KIF6: variants seen among roughly 807,000 people sequenced by gnomAD.
KIF6 encodes kinesin family member 6.
In KIF6, 106 loss-of-function variants were observed where a neutral mutation model predicts 112.7. The observed-to-expected ratio is 0.94, with a 90% CI of 0.80 to 1.11. The LOEUF is 1.11. Ranked by LOEUF, KIF6 falls within the 50% of genes least tolerant of loss-of-function variation. The probability of loss-of-function intolerance (pLI) is 0.00; values close to 1 mark genes in which losing one functional copy is unlikely to be tolerated. For synonymous variants in KIF6, 339 were observed against 339.9 expected, an observed-to-expected ratio of 1.00 and a Z score of 0.03; for missense variants, 929 against 964.0, an observed-to-expected ratio of 0.96 and a Z score of 0.48.
At chr6:39,668,752 G>A (rs1048058529) in intron 3 of KIF6, among the ~76,000 whole-genome samples, 9 of 151,704 alleles carry the variant, frequency 5.9e-5, no homozygotes, top group Non-Finnish European at 8.8e-5. Flanking sequence ...AATAAGAAAC[G>A]CAAATACAAT....
chr6:39,350,114 C>A (rs2113933814), intron 19 of KIF6, among the ~76,000 whole-genome samples: 1 of 152,244 alleles, frequency 6.6e-6, no homozygotes, highest in African/African-American at 2.4e-5. Flanking sequence ...AGAAGGTTGG[C>A]CTTTTAAGGA....
At chr6:39,703,485 G>A (rs570724150) in intron 3 of KIF6, among the ~76,000 whole-genome samples, 18 of 152,110 alleles carry the variant, frequency 1.2e-4, no homozygotes, top group Non-Finnish European at 2.1e-4. Flanking sequence ...GATAATATAC[G>A]TGAAACTGCT....
intron 6 of KIF6, among the ~76,000 whole-genome samples, chr6:39,610,361 G>A (rs1783149777): frequency 6.6e-6 from 1 of 152,196 alleles, no homozygotes; most frequent in South Asian, 2.1e-4. Flanking sequence ...TCCTTAAAAT[G>A]CTGGCTATGG....
chr6:39,563,860 C>T (rs1780145645), intron 10 of KIF6, among the ~76,000 whole-genome samples: 1 of 152,158 alleles, frequency 6.6e-6, no homozygotes, highest in Non-Finnish European at 1.5e-5. Context: ...GGTCTCATCG[C>T]CTTTTTCATT....
chr6:39,648,412 T>A (rs1181326318), intron 3 of KIF6, among the ~76,000 whole-genome samples: 1 of 152,118 alleles, frequency 6.6e-6, no homozygotes, highest in Non-Finnish European at 1.5e-5. Flanking sequence ...AGACAAGAAA[T>A]CCTCTCTGCT....
intron 3 of KIF6, among the ~76,000 whole-genome samples, chr6:39,644,182 G>A (rs1042649278): frequency 6.6e-6 from 1 of 151,654 alleles, no homozygotes; most frequent in Non-Finnish European, 1.5e-5. Flanking sequence ...GAGACAATGA[G>A]AAGTGCTGGT....
chr6:39,572,419 A>C (rs1780692459), intron 10 of KIF6, among the ~76,000 whole-genome samples: 1 of 152,156 alleles, frequency 6.6e-6, no homozygotes, highest in Non-Finnish European at 1.5e-5. Context: ...ACCTATTAAA[A>C]TGATTAGCGT....
chr6:39,489,917 T>A (rs578119046), intron 13 of KIF6, among the ~76,000 whole-genome samples: 2 of 152,338 alleles, frequency 1.3e-5, no homozygotes, highest in Admixed American at 1.3e-4. Flanking sequence ...GACGGCATAT[T>A]TGACCTGTGA....
intron 13 of KIF6, among the ~76,000 whole-genome samples, chr6:39,486,991 CA>C (rs934839835): frequency 6.6e-6 from 1 of 152,044 alleles, no homozygotes; most frequent in Non-Finnish European, 1.5e-5. Context: ...ATAAACAAAA[CA>C]ATTAAAAAAA....
At chr6:39,376,515 C>A (rs1766452329) in intron 16 of KIF6, among the ~76,000 whole-genome samples, 1 of 152,214 alleles carries the variant, frequency 6.6e-6, no homozygotes, top group African/African-American at 2.4e-5. Flanking sequence ...GAGCGCAGAG[C>A]CCCTCAGCTG....
At chr6:39,617,298 C>CT (rs1340588612) in intron 5 of KIF6, among the ~76,000 whole-genome samples, 1 of 152,082 alleles carries the variant, frequency 6.6e-6, no homozygotes, top group East Asian at 1.9e-4. Context: ...TTTGTAGACT[C>CT]TTTTTAACTG....
intron 3 of KIF6, among the ~76,000 whole-genome samples, chr6:39,705,961 C>T (rs980048295): frequency 2.0e-4 from 30 of 152,316 alleles, no homozygotes; most frequent in Non-Finnish European, 3.8e-4. Flanking sequence ...GTGGCACCAG[C>T]TTAAGAGATG....
chr6:39,591,335 G>T (rs1055718532), intron 7 of KIF6, among the ~76,000 whole-genome samples: 1 of 152,168 alleles, frequency 6.6e-6, no homozygotes, highest in African/African-American at 2.4e-5. Flanking sequence ...CTCAAAAATG[G>T]AGAAAATGAA....
chr6:39,605,863 C>G (rs1782856078), intron 6 of KIF6, among the ~76,000 whole-genome samples: 1 of 152,100 alleles, frequency 6.6e-6, no homozygotes, highest in African/African-American at 2.4e-5. Flanking sequence ...TAGAGGATGT[C>G]TTGGAATTGA....
rs574697687 is a variant in KIF6 at position 39,575,356 on chromosome 6, T to C, written c.1181+2700A>G. On this transcript the variant is annotated intron_variant, in intron 10 of 22. Coordinates refer to ENST00000287152, the MANE Select transcript of KIF6 (RefSeq NM_145027.6). Reference sequence around the variant, plus strand: ...CGCGATCTCGGCTCATTGCAAGCTCTGCCTCCCGGGTTGACGCCATTCTCC... The same window carrying C: ...CGCGATCTCGGCTCATTGCAAGCTCCGCCTCCCGGGTTGACGCCATTCTCC... 2.4e-4 allele frequency among the ~76,000 whole-genome samples: 37 copies of C among 151,940 alleles called. No individual in the cohort carries two copies. In the East Asian group the frequency reaches 2.7e-3, roughly 11 times the overall value.
At chr6:39,643,091 A>C (rs1395815370) in intron 3 of KIF6, among the ~76,000 whole-genome samples, 1 of 152,200 alleles carries the variant, frequency 6.6e-6, no homozygotes, top group Non-Finnish European at 1.5e-5. Context: ...CATTTTTGAG[A>C]ATAATATTGC....
At chr6:39,390,849 C>A (rs1000796906) in intron 15 of KIF6, among the ~76,000 whole-genome samples, 2 of 152,024 alleles carry the variant, frequency 1.3e-5, no homozygotes, top group Non-Finnish European at 2.9e-5. Context: ...TTTTTTGGTA[C>A]TAACATGGAG....
intron 3 of KIF6, among the ~76,000 whole-genome samples, chr6:39,672,036 G>C (rs1024972837): frequency 3.3e-5 from 5 of 152,218 alleles, no homozygotes; most frequent in African/African-American, 1.2e-4. Context: ...TGCCAACCCT[G>C]AACTGGAAAT....
intron 19 of KIF6, among the ~76,000 whole-genome samples, chr6:39,351,373 G>A (rs1327853612): frequency 2.0e-5 from 3 of 151,370 alleles, no homozygotes; most frequent in Non-Finnish European, 4.4e-5. Flanking sequence ...TGCGACTACA[G>A]GCATGTGCCA....
Sources: gnomAD v4.1 joint callset for allele counts (sites outside exome capture counted in the v4.1 genomes callset) on GRCh38, gnomAD v4.1.1 for gene constraint, MANE v1.5 for transcripts, NCBI Gene and HGNC (gene_info 2026-07-23, HGNC 2026-07-21) for gene names.